B3GNT2: variants seen among roughly 807,000 people sequenced by gnomAD.
The protein encoded by B3GNT2 is UDP-GlcNAc:betaGal beta-1,3-N-acetylglucosaminyltransferase 2, also known as N-acetyllactosaminide beta-1,3-N-acetylglucosaminyltransferase 2.
A neutral mutation model predicts 27.6 loss-of-function variants in B3GNT2; 12 were observed. The observed-to-expected ratio is 0.44, with a 90% confidence interval of 0.28 to 0.71. B3GNT2 has a LOEUF of 0.71. Among genes scored for constraint, B3GNT2 ranks in the 30% least tolerant of loss-of-function variants. B3GNT2 has a pLI of 0.17. For missense variants in B3GNT2, 413 were observed against 488.5 expected (o/e 0.85, Z 1.46); for synonymous variants, 192 against 189.7 (o/e 1.01, Z -0.10).
intron 1 of B3GNT2, among the ~76,000 whole-genome samples, chr2:62,196,887 A>G (rs929063413): frequency 6.6e-6 from 1 of 151,596 alleles, no homozygotes; most frequent in Non-Finnish European, 1.5e-5. Flanking sequence ...CCCGTGCCGC[A>G]TGGGGAGATC....
chr2:62,209,389 G>A (rs1236570811), intron 1 of B3GNT2, among the ~76,000 whole-genome samples: 1 of 152,066 alleles, frequency 6.6e-6, no homozygotes. Context: ...GGTCTGTAAG[G>A]CCCTGGGAAA....
At chr2:62,207,713 A>G (rs1446456106) in intron 1 of B3GNT2, among the ~76,000 whole-genome samples, 1 of 152,202 alleles carries the variant, frequency 6.6e-6, no homozygotes, top group African/African-American at 2.4e-5. Context: ...GTGAGAATCT[A>G]ATGTCAAGCT....
intron 1 of B3GNT2, among the ~76,000 whole-genome samples, chr2:62,202,023 G>A (rs555573516): frequency 1.3e-5 from 2 of 152,350 alleles, no homozygotes; most frequent in African/African-American, 4.8e-5. Context: ...CCAGATTACA[G>A]TAGCCAACAC....
chr2:62,196,389 C>G (rs1384091836), intron 1 of B3GNT2, 34 bp downstream of exon 1: 3 of 152,506 alleles, frequency 2.0e-5, no homozygotes, highest in African/African-American at 7.2e-5. Context: ...CCCGCCGGCT[C>G]CCTCCCCGCT....
At chr2:62,221,790 A>G (rs769754632) in intron 1 of B3GNT2, 1 of 511,548 alleles carries the variant, frequency 2.0e-6, no homozygotes, top group African/African-American at 1.9e-5. Context: ...TATTTGTTAT[A>G]ATTTAGGCAA....
chr2:62,220,400 AC>A (rs1322580408), intron 1 of B3GNT2, among the ~76,000 whole-genome samples: 1 of 152,210 alleles, frequency 6.6e-6, no homozygotes, highest in Non-Finnish European at 1.5e-5. Flanking sequence ...CTTTACAGAC[AC>A]ACAATAGCTT....
Position 62,222,552 on chromosome 2 carries a change from A to T in B3GNT2, c.332A>T (p.Asn111Ile), listed in dbSNP as rs1292615232. 8 of 1,614,176 alleles carry T rather than the reference A, an allele frequency of 5.0e-6. No individual in the cohort carries two copies. Among genetic ancestry groups the T allele is most frequent in the Non-Finnish European group, 6.8e-6 (8 of 1,180,028 alleles). ...ACGTCGGTGGTTACGGGTTTTAACA[A>T]CTTGCCGGACAGATTTAAAGACTTT... ...RVTSVVTGFN[N>I]LPDRFKDFLL... is the part of the protein sequence containing the mutation. Residue 111 changes from asparagine (N) to isoleucine (I), a missense_variant, in exon 2 of 2, where the codon AAC becomes ATC. Physicochemically the swap from Asn to Ile is moderately radical, Grantham distance 149 (BLOSUM62 -3). Transcript: ENST00000301998. This position sits in a 1 kb window ranked among gnomAD's most constrained non-coding sequence, Gnocchi z 4.2.
intron 1 of B3GNT2, among the ~76,000 whole-genome samples, chr2:62,216,394 T>C (rs1465253889): frequency 6.8e-6 from 1 of 147,744 alleles, no homozygotes; most frequent in Non-Finnish European, 1.5e-5. Flanking sequence ...TCATAGCTTC[T>C]GATTTTTCTT....
chr2:62,204,800 C>T (rs923032221), intron 1 of B3GNT2, among the ~76,000 whole-genome samples: 11 of 152,196 alleles, frequency 7.2e-5, no homozygotes, highest in Admixed American at 6.5e-4. Flanking sequence ...TCTGATGGAT[C>T]GTCTTTTTTT....
chr2:62,211,352 TC>T (rs1291373862), intron 1 of B3GNT2, among the ~76,000 whole-genome samples: 1 of 148,188 alleles, frequency 6.7e-6, no homozygotes, highest in East Asian at 2.0e-4. Flanking sequence ...TAAGACCCTG[TC>T]CCCCCCGTCC....
Position 62,222,270 on chromosome 2 carries a change from C to T in B3GNT2, c.50C>T (p.Ala17Val), listed in dbSNP as rs867147746. The T allele has an allele frequency of 1.9e-6, 3 of 1,612,704 alleles. No individual in the cohort carries two copies. In the African/African-American group the frequency reaches 4.0e-5, roughly 22 times the overall value. The change falls in exon 2 of 2, where the codon GCA becomes GTA. Residue 17 changes from alanine (A) to valine (V), a missense_variant. Transcript: ENST00000301998. This position sits in a 1 kb window ranked among gnomAD's most constrained non-coding sequence, Gnocchi z 4.2. ...AAGTTGTTGGGTATCCTGATGATGG[C>T]AAATGTCTTCATTTATTTTATTATG... The part of the protein sequence containing the change: ...RIKLLGILMM[A>V]NVFIYFIMEV...
intron 1 of B3GNT2, among the ~76,000 whole-genome samples, chr2:62,217,758 C>T (rs1674603896): frequency 6.6e-6 from 1 of 152,218 alleles, no homozygotes; most frequent in South Asian, 2.1e-4. Context: ...CTCATCCCAC[C>T]ACCCTGAATA....
At chr2:62,217,174 T>G (rs1573269317) in intron 1 of B3GNT2, among the ~76,000 whole-genome samples, 1 of 152,208 alleles carries the variant, frequency 6.6e-6, no homozygotes, top group Non-Finnish European at 1.5e-5. Flanking sequence ...AAAAGTTACT[T>G]TAAGAAGATT....
At chr2:62,217,297 A>G (rs971893844) in intron 1 of B3GNT2, among the ~76,000 whole-genome samples, 3 of 152,186 alleles carry the variant, frequency 2.0e-5, no homozygotes, top group African/African-American at 7.2e-5. Context: ...TGGAGCTATC[A>G]TTGCCTGGGT....
intron 1 of B3GNT2, among the ~76,000 whole-genome samples, chr2:62,204,035 A>AT (rs1454355125): frequency 3.3e-5 from 5 of 152,008 alleles, no homozygotes; most frequent in African/African-American, 1.2e-4. Context: ...GTGCTTCAGA[A>AT]TTTTTTTTGA....
At chr2:62,204,514 G>C (rs898592105) in intron 1 of B3GNT2, among the ~76,000 whole-genome samples, 2 of 152,182 alleles carry the variant, frequency 1.3e-5, no homozygotes, top group African/African-American at 4.8e-5. Flanking sequence ...ATAATGAAAG[G>C]GTCGAAGTGT....
At chr2:62,209,838 G>A (rs933997378) in intron 1 of B3GNT2, among the ~76,000 whole-genome samples, 2 of 152,178 alleles carry the variant, frequency 1.3e-5, no homozygotes, top group Admixed American at 1.3e-4. Flanking sequence ...TTCTCCACCT[G>A]TAGCCAGCTC....
intron 1 of B3GNT2, among the ~76,000 whole-genome samples, chr2:62,220,214 A>G (rs1674662577): frequency 6.6e-6 from 1 of 152,232 alleles, no homozygotes; most frequent in African/African-American, 2.4e-5. Flanking sequence ...CTGTAAACTA[A>G]ATTTCTCCCG....
At chr2:62,201,346 G>A (rs754028727) in intron 1 of B3GNT2, among the ~76,000 whole-genome samples, 2 of 152,222 alleles carry the variant, frequency 1.3e-5, no homozygotes, top group Non-Finnish European at 2.9e-5. Flanking sequence ...ATGCAGTGAT[G>A]AGAACTGGTT....
Sources: gnomAD v4.1 joint callset for allele counts (sites outside exome capture counted in the v4.1 genomes callset) on GRCh38, gnomAD v4.1.1 for gene constraint, Gnocchi (gnomAD v3.1) non-coding constraint, MANE v1.5 for transcripts, NCBI Gene and HGNC (gene_info 2026-07-23, HGNC 2026-07-21) for gene names.